The following ARHGAP18 variants were observed in gnomAD, a reference collection of about 807,000 sequenced individuals.
ARHGAP18 encodes the protein rho GTPase-activating protein 18.
Under a neutral mutation model 86.2 loss-of-function variants are expected in ARHGAP18, and 67 were observed. The ratio of observed to expected loss-of-function variants is 0.78; its 90% CI spans 0.64 to 0.95. The LOEUF is 0.95. ARHGAP18 is among the 40% of genes least tolerant of loss of function. The pLI is 0.00. For synonymous variants in ARHGAP18, 283 were observed against 280.4 expected, an observed-to-expected ratio of 1.01 and a Z score of -0.09; for missense variants, 691 against 780.4, an observed-to-expected ratio of 0.89 and a Z score of 1.37.
intron 12 of ARHGAP18, among the ~76,000 whole-genome samples, chr6:129,586,096 A>T (rs1451945849): frequency 2.0e-5 from 3 of 152,194 alleles, no homozygotes; most frequent in Non-Finnish European, 4.4e-5. Context: ...TATTAAATCA[A>T]TGGTGTAACA....
intron 1 of ARHGAP18, among the ~76,000 whole-genome samples, chr6:129,684,019 G>T (rs1404643551): frequency 3.9e-5 from 6 of 152,206 alleles, no homozygotes; most frequent in Non-Finnish European, 5.9e-5. Flanking sequence ...TTGAGTTGGG[G>T]CGTTGAAAAA....
chr6:129,642,197 C>T (rs1457017150), intron 1 of ARHGAP18, among the ~76,000 whole-genome samples, 179 bp from the exon 2 acceptor site: 3 of 152,158 alleles, frequency 2.0e-5, no homozygotes. Flanking sequence ...GTAGAATAAA[C>T]AGTTTCATGC....
chr6:129,706,647 G>A (rs775453324), intron 1 of ARHGAP18, among the ~76,000 whole-genome samples: 3 of 152,150 alleles, frequency 2.0e-5, no homozygotes, highest in Non-Finnish European at 2.9e-5. Flanking sequence ...GGCACTTTGG[G>A]AGGATGAGGT....
intron 1 of ARHGAP18, among the ~76,000 whole-genome samples, chr6:129,655,332 AAAAAAAAAAGAAAAG>A (rs2114513347): frequency 7.0e-6 from 1 of 142,260 alleles, no homozygotes; most frequent in Non-Finnish European, 1.5e-5. Context: ...AAAAAAAAAA[AAAAAAAAAAGAAAAG>A]AAAAGAAAAG....
intron 1 of ARHGAP18, among the ~76,000 whole-genome samples, chr6:129,660,277 G>A (rs796917472): frequency 4.6e-5 from 7 of 152,346 alleles, no homozygotes; most frequent in South Asian, 2.1e-4. Context: ...ATGCTGTGGC[G>A]TAAACAGATC....
intron 12 of ARHGAP18, among the ~76,000 whole-genome samples, chr6:129,595,139 G>A (rs1788589634): frequency 3.2e-5 from 1 of 31,226 alleles, no homozygotes; most frequent in South Asian, 5.3e-4. Context: ...TAAATATTAC[G>A]AGACAATATT....
intron 7 of ARHGAP18, among the ~76,000 whole-genome samples, chr6:129,613,232 C>CACAA (rs1789020475): frequency 1.1e-5 from 1 of 94,190 alleles, no homozygotes; most frequent in African/African-American, 4.4e-5. Flanking sequence ...GACTCTGTCT[C>CACAA]AAAAAAAAAA....
intron 1 of ARHGAP18, among the ~76,000 whole-genome samples, chr6:129,652,985 T>C (rs1324101142): frequency 6.6e-6 from 1 of 152,102 alleles, no homozygotes; most frequent in South Asian, 2.1e-4. Context: ...AATAAAAACA[T>C]CAACACAAGG....
At chr6:129,607,592 T>A (rs1396165659) in intron 9 of ARHGAP18, among the ~76,000 whole-genome samples, 1 of 151,180 alleles carries the variant, frequency 6.6e-6, no homozygotes, top group Non-Finnish European at 1.5e-5. Flanking sequence ...TGTGACTCAT[T>A]CTATTATAAG....
chr6:129,693,994 C>A (rs1356235289), intron 1 of ARHGAP18, among the ~76,000 whole-genome samples: 2 of 152,172 alleles, frequency 1.3e-5, no homozygotes, highest in Admixed American at 1.3e-4. Context: ...TTTACTACTT[C>A]ATTGTAGTAA....
chr6:129,661,804 C>A, intron 1 of ARHGAP18: 1 of 918,052 alleles, frequency 1.1e-6, no homozygotes, highest in Non-Finnish European at 1.3e-6. Flanking sequence ...TTCGGCCCTC[C>A]ACCCTCAGCC....
rs1789373286 is a variant in ARHGAP18, at chr6:129,625,383, T to TTA, written c.786+3968_786+3969dup. 2.5e-5 allele frequency among the ~76,000 whole-genome samples: 2 copies of TTA among 80,914 alleles called. 1 individual carries two copies. Among genetic ancestry groups the TTA allele is most frequent in the Non-Finnish European group, 4.0e-5 (2 of 50,484 alleles). The allele number at this position is 80,914 out of a possible 152,430, so 53.1% of individuals were successfully genotyped here. A position where few individuals can be genotyped will look rare whatever the true frequency, so the allele number is the denominator to read the frequency against. ...TATGTATATTTATATATATTATATA[T>TTA]TATATATTTATACATATGTATTATA... On this transcript the variant is annotated intron_variant, in intron 5 of 14. Transcript: ENST00000368149.
Position 129,649,079 on chromosome 6 carries a change from C to A in ARHGAP18, c.114-7061G>T, listed in dbSNP as rs568597009. On this transcript the variant is annotated intron_variant, in intron 1 of 14. Transcript: ENST00000368149. The stretch of plus-strand genomic sequence containing the variant: ...CCACATCACTCGCCCCACACACACC[C>A]ATGCAACCATCAGAACCCAGAGAAA... 6.6e-5 allele frequency among the ~76,000 whole-genome samples: 10 copies of A among 152,324 alleles called. No homozygotes were observed. In the South Asian group the frequency reaches 2.1e-3, roughly 32 times the overall value.
intron 3 of ARHGAP18, among the ~76,000 whole-genome samples, chr6:129,636,747 G>A (rs191555221): frequency 0.019 from 2,836 of 152,268 alleles, 42 homozygotes; most frequent in Non-Finnish European, 0.027. Context: ...GCATGGTGGC[G>A]TGCGCCTGTA....
At chr6:129,682,232 T>G (rs1250787672) in intron 1 of ARHGAP18, among the ~76,000 whole-genome samples, 1 of 152,178 alleles carries the variant, frequency 6.6e-6, no homozygotes, top group Non-Finnish European at 1.5e-5. Context: ...AATATTGGTG[T>G]CTGTTAAGTA....
Position 129,620,600 on chromosome 6 carries a change from C to T in ARHGAP18, c.787-1748G>A, listed in dbSNP as rs182575047. On this transcript the variant is annotated intron_variant, in intron 5 of 14. Coordinates refer to ENST00000368149, the MANE Select transcript of ARHGAP18 (RefSeq NM_033515.3). ...TTACCTATTACTAAAACTGATCATT[C>T]TCTTACAGTTTGGGTTTACCTTTGA... 1.9e-3 allele frequency among the ~76,000 whole-genome samples: 291 copies of T among 152,324 alleles called. 3 individuals are homozygous for T. The highest frequency in any genetic ancestry group is 6.6e-3 in the African/African-American group (276 of 41,564).
rs1773470063 is a variant in ARHGAP18 at position 129,641,803 on chromosome 6, AGT to A, written c.316+11_316+12del. On this transcript the variant is annotated intron_variant, in intron 2 of 14. Coordinates refer to ENST00000368149, the MANE Select transcript of ARHGAP18 (RefSeq NM_033515.3). ...TATACAAACAACAAAAGCTTTATTT[AGT>A]TAGTTATTACCATCAGGCTCTTTGA... The A allele has an allele frequency of 6.2e-7, 1 of 1,601,494 alleles. No homozygotes were observed. The highest frequency in any genetic ancestry group is 8.5e-7 in the Non-Finnish European group (1 of 1,170,552).
chr6:129,600,005 A>T (rs924213614), intron 11 of ARHGAP18, among the ~76,000 whole-genome samples: 3 of 152,198 alleles, frequency 2.0e-5, no homozygotes, highest in South Asian at 2.1e-4. Flanking sequence ...TTTATGGATT[A>T]TAAAAATAAA....
chr6:129,626,101 CACACAT>C lies in ARHGAP18; in HGVS notation c.786+3246_786+3251del, dbSNP rs1170100081. ...ACACACACACACACACACACACACA[CACACAT>C]ATATAGAAGAAAAGCCTGGAAACAA... On this transcript the variant is annotated intron_variant, in intron 5 of 14. Transcript: ENST00000368149. Among the ~76,000 whole-genome samples, 462 of 132,444 alleles carry C rather than the reference CACACAT, an allele frequency of 3.5e-3. 4 individuals carry two copies. The highest frequency in any genetic ancestry group is 0.012 in the African/African-American group (446 of 36,662). 86.9% of individuals were successfully genotyped at this position (132,444 alleles called of 152,430 possible).
Sources: allele counts gnomAD v4.1 joint callset (sites outside exome capture counted in the v4.1 genomes callset), GRCh38; gene constraint gnomAD v4.1.1; transcripts MANE v1.5; gene names NCBI Gene and HGNC (gene_info 2026-07-23, HGNC 2026-07-21).